Variants in TNS3 observed in about 807,000 individuals in gnomAD.
The protein encoded by TNS3 is tensin 3.
TNS3 carries 45 observed loss-of-function variants against 140.9 expected under a neutral mutation model. That is an observed-to-expected ratio of 0.32 (90% confidence interval 0.25 to 0.41). TNS3 has a LOEUF of 0.41. Among genes scored for constraint, TNS3 ranks in the 10% least tolerant of loss-of-function variants. The probability of loss-of-function intolerance (pLI) is 1.00; values close to 1 mark genes in which losing one functional copy is unlikely to be tolerated. For missense variants in TNS3, 1,716 were observed against 1,906.7 expected, an observed-to-expected ratio of 0.90 and a Z score of 1.86; for synonymous variants, 815 against 788.4, an observed-to-expected ratio of 1.03 and a Z score of -0.56.
chr7:47,556,846 G>A (rs1800207974), intron 1 of TNS3, among the ~76,000 whole-genome samples: 1 of 152,202 alleles, frequency 6.6e-6, no homozygotes, highest in Non-Finnish European at 1.5e-5. Flanking sequence ...CAAGTCTTTG[G>A]TACAGTGAGC....
chr7:47,543,055 G>A (rs1189179058), intron 1 of TNS3, among the ~76,000 whole-genome samples: 1 of 152,006 alleles, frequency 6.6e-6, no homozygotes, highest in Non-Finnish European at 1.5e-5. Flanking sequence ...CTCTCTCCTT[G>A]TCCAAAGGTG....
At chr7:47,421,126 G>A (rs1243682318) in intron 10 of TNS3, among the ~76,000 whole-genome samples, 1 of 152,112 alleles carries the variant, frequency 6.6e-6, no homozygotes, top group African/African-American at 2.4e-5. Context: ...CATTAACTCC[G>A]TGATGGGGCC....
intron 4 of TNS3, among the ~76,000 whole-genome samples, chr7:47,459,394 C>CA (rs1030443920): frequency 2.6e-5 from 4 of 152,044 alleles, no homozygotes; most frequent in South Asian, 2.1e-4. Flanking sequence ...ATCCCCTTTC[C>CA]AAAAAAGAAA....
chr7:47,328,109 G>A lies in TNS3; in HGVS notation c.2650+16646C>T, dbSNP rs564936678. Among the ~76,000 whole-genome samples the A allele has an allele frequency of 2.8e-4, 43 of 152,252 alleles. No homozygotes were observed. In the South Asian group the frequency reaches 7.9e-3, roughly 28 times the overall value. Reference sequence around the variant, plus strand: ...CAGAGTCCCGAGTCCCTGTCCCAGCGGTGGCGTCCCCCACCCACCCAGGCA... The same window carrying A: ...CAGAGTCCCGAGTCCCTGTCCCAGCAGTGGCGTCCCCCACCCACCCAGGCA... On this transcript the variant is annotated intron_variant, in intron 20 of 30. Transcript: ENST00000311160.
chr7:47,406,837 A>G (rs1242379724), intron 13 of TNS3, among the ~76,000 whole-genome samples: 1 of 152,196 alleles, frequency 6.6e-6, no homozygotes, highest in Non-Finnish European at 1.5e-5. Flanking sequence ...TTGCTCAGTG[A>G]ACCTGCAGCA....
At chr7:47,286,509 G>A (rs1785428631) in intron 27 of TNS3, among the ~76,000 whole-genome samples, 1 of 152,112 alleles carries the variant, frequency 6.6e-6, no homozygotes, top group African/African-American at 2.4e-5. Context: ...CTTGACAGGT[G>A]CTCTTGGCCA....
At chr7:47,503,978 C>CTCCATT (rs2151871907) in intron 3 of TNS3, among the ~76,000 whole-genome samples, 1 of 152,298 alleles carries the variant, frequency 6.6e-6, no homozygotes, top group African/African-American at 2.4e-5. Flanking sequence ...CCCCAAAGGC[C>CTCCATT]TCCATTTCCA....
intron 1 of TNS3, among the ~76,000 whole-genome samples, chr7:47,575,822 CAAAA>C (rs10553927): frequency 2.9e-5 from 2 of 68,316 alleles, no homozygotes. Context: ...GACTCTGCCT[CAAAA>C]AAAAAAAAAA....
intron 27 of TNS3, among the ~76,000 whole-genome samples, chr7:47,288,690 C>T (rs1343389258): frequency 1.3e-5 from 2 of 152,124 alleles, no homozygotes; most frequent in Non-Finnish European, 2.9e-5. Flanking sequence ...GGGCTGTGGC[C>T]CAGGACCAGC....
chr7:47,296,932 A>G, intron 24 of TNS3, 150 bp downstream of exon 24: 1 of 1,024,874 alleles, frequency 9.8e-7, no homozygotes, highest in Non-Finnish European at 1.4e-6. Context: ...TAAGGTGAAA[A>G]CTTTGTAAAA....
At chr7:47,569,903 C>T (rs570720953) in intron 1 of TNS3, among the ~76,000 whole-genome samples, 1 of 151,902 alleles carries the variant, frequency 6.6e-6, no homozygotes, top group African/African-American at 2.4e-5. Flanking sequence ...AATCCCAGCA[C>T]TTTGGTAGGC....
At chr7:47,509,552 T>C (rs1383463999) in intron 2 of TNS3, among the ~76,000 whole-genome samples, 1 of 152,166 alleles carries the variant, frequency 6.6e-6, no homozygotes, top group Non-Finnish European at 1.5e-5. Context: ...CCATGGTCCA[T>C]GAAGGTGGGA....
At chr7:47,358,370 C>G (rs554453298) in intron 17 of TNS3, among the ~76,000 whole-genome samples, 1 of 152,302 alleles carries the variant, frequency 6.6e-6, no homozygotes, top group South Asian at 2.1e-4. Context: ...AACTCCTGAC[C>G]TCGTGATCCA....
intron 1 of TNS3, among the ~76,000 whole-genome samples, chr7:47,534,496 T>A (rs991663702): frequency 2.6e-5 from 4 of 152,142 alleles, no homozygotes; most frequent in Non-Finnish European, 5.9e-5. Context: ...GGGCAGTTTT[T>A]AAAACAGCTG....
Position 47,303,459 on chromosome 7 carries a change from G to C in TNS3, c.2948C>G (p.Pro983Arg). 3 of 1,612,462 alleles carry C rather than the reference G, an allele frequency of 1.9e-6. No individual in the cohort carries two copies. The highest frequency in any genetic ancestry group is 2.5e-6 in the Non-Finnish European group (3 of 1,179,994). The change falls in exon 22 of 31, where the codon CCA (proline) becomes CGA (arginine). Residue 983 changes from proline (P) to arginine (R), a missense_variant. Pro to Arg is a moderately radical substitution (Grantham distance 103). Coordinates refer to ENST00000311160, the MANE Select transcript of TNS3 (RefSeq NM_022748.12). ...TGACGGCGGGAAGCAGGACAGCACT[G>C]GGGAGTCCTTCCTGGTACCGGAGAA... ...AEFSGTRKDS[P>R]VLSCFPPSEL... is the part of the protein sequence containing the mutation.
chr7:47,551,230 G>GC (rs1800053153), intron 1 of TNS3, among the ~76,000 whole-genome samples: 1 of 152,248 alleles, frequency 6.6e-6, no homozygotes. Flanking sequence ...GAGCTCCCGG[G>GC]CAGAAGGCTG....
chr7:47,366,309 G>A (rs1289211926), intron 17 of TNS3, among the ~76,000 whole-genome samples: 1 of 152,148 alleles, frequency 6.6e-6, no homozygotes, highest in East Asian at 1.9e-4. Flanking sequence ...CTACTCATGG[G>A]GGACTCTCCA....
intron 17 of TNS3, among the ~76,000 whole-genome samples, chr7:47,358,197 G>C (rs1790108742): frequency 6.6e-6 from 1 of 151,978 alleles, no homozygotes; most frequent in African/African-American, 2.4e-5. Flanking sequence ...GAGTGAAATG[G>C]TATGATCTTG....
chr7:47,524,665 G>A (rs112707821), intron 2 of TNS3, among the ~76,000 whole-genome samples: 3,759 of 149,620 alleles, frequency 0.025, 176 homozygotes, highest in African/African-American at 0.081. Flanking sequence ...AGCCGGGCGC[G>A]GTGGCGGGCG....
Sources: gnomAD v4.1 joint callset for allele counts (sites outside exome capture counted in the v4.1 genomes callset) on GRCh38, gnomAD v4.1.1 for gene constraint, MANE v1.5 for transcripts, NCBI Gene and HGNC (gene_info 2026-07-23, HGNC 2026-07-21) for gene names.